The following ROBO1 variants were observed in gnomAD, a reference collection of about 807,000 sequenced individuals.
The protein encoded by ROBO1 is roundabout homolog 1.
In ROBO1, 149 loss-of-function variants were observed where a neutral mutation model predicts 195.9. The ratio of observed to expected loss-of-function variants is 0.76; its 90% confidence interval spans 0.67 to 0.87. The LOEUF (loss-of-function observed/expected upper bound fraction) is 0.87, where lower values mean the gene tolerates loss of function less well. ROBO1 is among the 40% of genes least tolerant of loss of function. ROBO1 has a pLI of 0.00. For synonymous variants in ROBO1, 816 were observed against 733.2 expected, an observed-to-expected ratio of 1.11 and a Z score of -1.82; for missense variants, 1,933 against 2,068.3, an observed-to-expected ratio of 0.93 and a Z score of 1.27.
chr3:79,349,184 A>G (rs1240163301), intron 2 of ROBO1, among the ~76,000 whole-genome samples: 1 of 152,196 alleles, frequency 6.6e-6, no homozygotes, highest in Non-Finnish European at 1.5e-5. Context: ...TCTAATAAAG[A>G]TGATAGAATT....
chr3:78,792,078 C>T (rs1256535027), intron 4 of ROBO1, among the ~76,000 whole-genome samples: 2 of 152,156 alleles, frequency 1.3e-5, no homozygotes, highest in East Asian at 3.9e-4. Flanking sequence ...GGCATGTGCT[C>T]CACTCCTTTC....
chr3:78,754,364 G>A (rs1231737479), intron 4 of ROBO1, among the ~76,000 whole-genome samples: 2 of 152,154 alleles, frequency 1.3e-5, no homozygotes, highest in Non-Finnish European at 2.9e-5. Flanking sequence ...CAGACAAAAT[G>A]AGGATATCTG....
At chr3:79,656,950 A>C (rs1366818876) in intron 1 of ROBO1, among the ~76,000 whole-genome samples, 1 of 152,020 alleles carries the variant, frequency 6.6e-6, no homozygotes, top group African/African-American at 2.4e-5. Flanking sequence ...CAACTATAGC[A>C]GGTGTAGAAA....
chr3:78,902,832 GA>G, intron 4 of ROBO1, among the ~76,000 whole-genome samples: 1 of 152,158 alleles, frequency 6.6e-6, no homozygotes, highest in South Asian at 2.1e-4. Context: ...TGACAAAGGC[GA>G]AACTCCACCT....
intron 2 of ROBO1, among the ~76,000 whole-genome samples, chr3:79,169,414 T>G: frequency 6.6e-6 from 1 of 152,128 alleles, no homozygotes; most frequent in East Asian, 1.9e-4. Flanking sequence ...GGATTCCACT[T>G]TATCCTATTC....
intron 2 of ROBO1, among the ~76,000 whole-genome samples, chr3:79,278,484 A>G (rs1444052634): frequency 6.6e-6 from 1 of 152,228 alleles, no homozygotes; most frequent in Non-Finnish European, 1.5e-5. Flanking sequence ...TGCTGCATGG[A>G]AACAGAGATA....
At chr3:79,050,828 G>A (rs1179402809) in intron 3 of ROBO1, among the ~76,000 whole-genome samples, 1 of 152,108 alleles carries the variant, frequency 6.6e-6, no homozygotes, top group Non-Finnish European at 1.5e-5. Flanking sequence ...ATAACAAAAT[G>A]AAGGCAGAAA....
chr3:79,300,439 C>T (rs2032865651), intron 2 of ROBO1, among the ~76,000 whole-genome samples: 1 of 152,226 alleles, frequency 6.6e-6, no homozygotes, highest in African/African-American at 2.4e-5. Flanking sequence ...TCTCACTGGG[C>T]GTTAGCTGCC....
chr3:78,831,157 C>G (rs550680694), intron 4 of ROBO1, among the ~76,000 whole-genome samples: 2 of 151,984 alleles, frequency 1.3e-5, no homozygotes, highest in African/African-American at 4.8e-5. Flanking sequence ...GTGATCCACC[C>G]GCCTCAGCCT....
At chr3:79,028,598 C>A (rs1258483779) in intron 3 of ROBO1, among the ~76,000 whole-genome samples, 2 of 151,782 alleles carry the variant, frequency 1.3e-5, no homozygotes, top group African/African-American at 4.8e-5. Flanking sequence ...TTATAGATAT[C>A]CTATTAAAGC....
At chr3:78,961,941 G>GT (rs74866184) in intron 3 of ROBO1, among the ~76,000 whole-genome samples, 1,868 of 141,656 alleles carry the variant, frequency 0.013, 33 homozygotes, top group African/African-American at 0.039. Flanking sequence ...TTTGTTTTTT[G>GT]TTTTTTTTTT....
At chr3:79,285,155 T>A (rs2109012908) in intron 2 of ROBO1, among the ~76,000 whole-genome samples, 1 of 152,314 alleles carries the variant, frequency 6.6e-6, no homozygotes, top group South Asian at 2.1e-4. Context: ...AAGCATTTAT[T>A]CAAGAGTTTA....
chr3:79,174,576 G>A (rs1036473395), intron 2 of ROBO1, among the ~76,000 whole-genome samples: 11 of 152,188 alleles, frequency 7.2e-5, no homozygotes, highest in African/African-American at 2.6e-4. Context: ...GTCCGTAATT[G>A]TCAACTATAA....
At chr3:78,965,331 T>A (rs574550688) in intron 3 of ROBO1, among the ~76,000 whole-genome samples, 34 of 152,302 alleles carry the variant, frequency 2.2e-4, no homozygotes, top group African/African-American at 7.7e-4. Context: ...AAGCTTTTTT[T>A]GATGATACAC....
chr3:78,756,421 C>T (rs1436533997), intron 4 of ROBO1, among the ~76,000 whole-genome samples: 3 of 152,126 alleles, frequency 2.0e-5, no homozygotes, highest in Non-Finnish European at 4.4e-5. Context: ...TTGGAATGCA[C>T]AAAAAGTTCA....
At chr3:79,372,702 G>C (rs921637899) in intron 2 of ROBO1, among the ~76,000 whole-genome samples, 3 of 152,094 alleles carry the variant, frequency 2.0e-5, no homozygotes, top group Admixed American at 2.0e-4. Context: ...ACCAAAAACT[G>C]AATTTACCAG....
chr3:79,473,102 G>A (rs1305584759), intron 2 of ROBO1, among the ~76,000 whole-genome samples: 1 of 152,132 alleles, frequency 6.6e-6, no homozygotes, highest in Non-Finnish European at 1.5e-5. Flanking sequence ...AACCCTATTT[G>A]AAAGTAAAGT....
chr3:79,503,359 C>T (rs998046718), intron 2 of ROBO1, among the ~76,000 whole-genome samples: 2 of 152,156 alleles, frequency 1.3e-5, no homozygotes, highest in Admixed American at 6.5e-5. Context: ...ACTCAGGACA[C>T]GCCACCTTTA....
intron 4 of ROBO1, 163 bp downstream of exon 4, chr3:78,938,438 G>A: frequency 1.7e-6 from 1 of 598,582 alleles, no homozygotes; most frequent in South Asian, 2.4e-5. Flanking sequence ...GTTAGGATGA[G>A]AAATACAGAA....
Sources: allele counts gnomAD v4.1 joint callset (sites outside exome capture counted in the v4.1 genomes callset), GRCh38; gene constraint gnomAD v4.1.1; transcripts MANE v1.5; gene names NCBI Gene and HGNC (gene_info 2026-07-23, HGNC 2026-07-21).